Variants in AHI1 observed in about 807,000 individuals in gnomAD.
The protein encoded by AHI1 is Abelson helper integration site 1, also known as jouberin.
A neutral mutation model predicts 149.3 loss-of-function variants in AHI1; 123 were observed. That is an observed-to-expected ratio of 0.82 (90% CI 0.71 to 0.96). AHI1 has a LOEUF of 0.96. AHI1 is among the 40% of genes least tolerant of loss of function. The pLI, the probability that AHI1 is intolerant of heterozygous loss-of-function variation, is 0.00. For missense variants in AHI1, 1,439 were observed against 1,422.7 expected, an observed-to-expected ratio of 1.01 and a Z score of -0.18; for synonymous variants, 475 against 459.8, an observed-to-expected ratio of 1.03 and a Z score of -0.42.
chr6:135,459,816 C>T (rs1789588494), intron 8 of AHI1, among the ~76,000 whole-genome samples: 1 of 149,312 alleles, frequency 6.7e-6, no homozygotes, highest in South Asian at 2.1e-4. Context: ...AATGATAAGG[C>T]ATAAGGACTG....
At chr6:135,457,465 G>C (rs935009389) in intron 9 of AHI1, 29 bp downstream of exon 9, 1 of 1,536,424 alleles carries the variant, frequency 6.5e-7, no homozygotes, top group Admixed American at 1.8e-5. Flanking sequence ...TCAGTTTCAA[G>C]AATTAGTTGT....
At position 135,366,255 on chromosome 6, in the gene AHI1, G is replaced by A. The variant is rs1187834573; in HGVS notation, c.3110-8068C>T. Among the ~76,000 whole-genome samples, 6 of 146,040 alleles carry A rather than the reference G, an allele frequency of 4.1e-5. 1 individual carries two copies. The highest frequency in any genetic ancestry group is 3.4e-4 in the Admixed American group (5 of 14,848). On this transcript the variant is annotated intron_variant, in intron 23 of 28. Transcript: ENST00000265602. ...TGGTCTGCAGTTTTCTTTTTTTTTT[G>A]TTACGTCCTTTCCTGGCTTTGGTAT...
chr6:135,482,666 A>T (rs1400090793), intron 5 of AHI1, among the ~76,000 whole-genome samples: 1 of 151,434 alleles, frequency 6.6e-6, no homozygotes, highest in African/African-American at 2.4e-5. Context: ...CATCTTTTTT[A>T]TGTTTTCCTA....
intron 19 of AHI1, among the ~76,000 whole-genome samples, chr6:135,428,337 A>G (rs1784189244): frequency 6.6e-6 from 1 of 151,666 alleles, no homozygotes. Flanking sequence ...AGCCTCCATT[A>G]AACGCTTTTC....
chr6:135,443,837 C>A (rs1452813687), intron 13 of AHI1, among the ~76,000 whole-genome samples: 1 of 152,138 alleles, frequency 6.6e-6, no homozygotes, highest in Non-Finnish European at 1.5e-5. Flanking sequence ...CATCCTCCAA[C>A]CACATAATTA....
In AHI1 at chr6:135,442,461, TTTTC is replaced by T. The variant is rs1457195011; in HGVS notation, c.1912+117_1912+120del. The T allele has an allele frequency of 4.6e-6, 5 of 1,075,940 alleles. No individual in the cohort carries two copies. The African/African-American group carries it at 8.1e-5, about 17-fold the overall frequency. The allele number at this position is 1,075,940 out of a possible 1,614,324, so 66.6% of individuals were successfully genotyped here. A position where few individuals can be genotyped will look rare whatever the true frequency, so the allele number is the denominator to read the frequency against. On this transcript the variant is annotated intron_variant, in intron 14 of 28. Transcript: ENST00000265602. Reference sequence around the variant, plus strand: ...AACTTTCTTTGTTTGAAGAAATCCGTTTTCTTTAATTTAGTAGTACAGGGGATTA... The same window carrying T: ...AACTTTCTTTGTTTGAAGAAATCCGTTTTAATTTAGTAGTACAGGGGATTA...
chr6:135,356,630 C>T (rs1313958202), intron 24 of AHI1, among the ~76,000 whole-genome samples: 1 of 152,082 alleles, frequency 6.6e-6, no homozygotes, highest in Non-Finnish European at 1.5e-5. Flanking sequence ...TATTCAAATA[C>T]ATTAAAATAA....
chr6:135,293,421 A>AAAAAAAAAAAAG (rs1562444590), intron 27 of AHI1, among the ~76,000 whole-genome samples: 2 of 134,374 alleles, frequency 1.5e-5, no homozygotes, highest in African/African-American at 5.4e-5. Context: ...AAAAAAAAAA[A>AAAAAAAAAAAAG]AAAGAAAAAA....
Position 135,490,712 on chromosome 6 carries a change from A to G in AHI1, c.46T>C (p.Phe16Leu). ...CTGTGGGTCTTAAGCAATTCTTCAA[A>G]GCGAACTTTGGTTTTTACTTTTGCT... ...SEAKVKTKVR[F>L]EELLKTHSDL... Residue 16 changes from phenylalanine (F) to leucine (L), a missense_variant, in exon 5 of 29, where the codon TTT becomes CTT. Phe to Leu is a conservative substitution (Grantham distance 22). Coordinates refer to ENST00000265602, the MANE Select transcript of AHI1 (RefSeq NM_001134831.2). 2.5e-6 allele frequency: 4 copies of G among 1,613,044 alleles called. No homozygotes were observed. Among genetic ancestry groups the G allele is most frequent in the South Asian group, 1.1e-5 (1 of 90,830 alleles).
In AHI1 at chr6:135,456,290, C is replaced by T. The variant is rs147089952; in HGVS notation, c.1152-364G>A. On this transcript the variant is annotated intron_variant, in intron 9 of 28. Transcript: ENST00000265602. ...GCACAGCGGCTCAAGCCTGTAACCC[C>T]AGCACTTTGGGAGGCTGAGGCAGGT... Among the ~76,000 whole-genome samples the T allele has an allele frequency of 1.0e-2, 1,521 of 152,276 alleles. 22 individuals are homozygous for T. The highest frequency in any genetic ancestry group is 0.034 in the African/African-American group (1,421 of 41,544).
At chr6:135,481,330 TA>T (rs1189057925) in intron 5 of AHI1, among the ~76,000 whole-genome samples, 2 of 152,240 alleles carry the variant, frequency 1.3e-5, no homozygotes, top group Non-Finnish European at 2.9e-5. Context: ...CTTCTACAAA[TA>T]AAGGTTGAAT....
intron 26 of AHI1, among the ~76,000 whole-genome samples, chr6:135,317,199 A>G (rs907916464): frequency 3.3e-5 from 5 of 151,974 alleles, no homozygotes; most frequent in African/African-American, 1.2e-4. Context: ...CTGCACTAGA[A>G]TGACCTTTCT....
At chr6:135,386,401 C>T (rs2128474052) in intron 23 of AHI1, among the ~76,000 whole-genome samples, 1 of 152,074 alleles carries the variant, frequency 6.6e-6, no homozygotes, top group African/African-American at 2.4e-5. Context: ...AGCTCCGCCT[C>T]CCGGGTTCAC....
In AHI1 at chr6:135,349,407, A is replaced by C. The variant is rs139211643; in HGVS notation, c.3165+8725T>G. On this transcript the variant is annotated intron_variant, in intron 24 of 28. Transcript: ENST00000265602. ...CTCCCTCTTTCACGCTATATACTACACGTGTTCTCCAACCCATCTGCTGGC... is the reference window on the plus strand; with the variant it reads ...CTCCCTCTTTCACGCTATATACTACCCGTGTTCTCCAACCCATCTGCTGGC... Among the ~76,000 whole-genome samples the C allele has an allele frequency of 4.4e-3, 665 of 152,294 alleles. 8 individuals carry two copies. Among genetic ancestry groups the C allele is most frequent in the African/African-American group, 0.015 (625 of 41,564 alleles).
intron 5 of AHI1, among the ~76,000 whole-genome samples, chr6:135,467,853 T>C (rs962991291): frequency 6.6e-6 from 1 of 152,204 alleles, no homozygotes; most frequent in African/African-American, 2.4e-5. Context: ...AGATTAACAT[T>C]TTGGATTAAC....
chr6:135,487,480 T>A (rs1794648197), intron 5 of AHI1, among the ~76,000 whole-genome samples: 1 of 152,184 alleles, frequency 6.6e-6, no homozygotes, highest in African/African-American at 2.4e-5. Flanking sequence ...TTCTACATAT[T>A]TAACTGATTT....
At chr6:135,383,710 T>G in intron 23 of AHI1, among the ~76,000 whole-genome samples, 1 of 152,316 alleles carries the variant, frequency 6.6e-6, no homozygotes, top group Non-Finnish European at 1.5e-5. Context: ...AACAACATCA[T>G]TTTATATGCC....
At chr6:135,312,816 G>A (rs766147703) in intron 26 of AHI1, among the ~76,000 whole-genome samples, 3 of 152,166 alleles carry the variant, frequency 2.0e-5, no homozygotes, top group African/African-American at 7.2e-5. Context: ...CACCAAGGAT[G>A]TTCTCTAAGG....
At chr6:135,433,321 T>A in intron 15 of AHI1, 65 bp from the exon 16 acceptor site, 1 of 1,251,842 alleles carries the variant, frequency 8.0e-7, no homozygotes, top group Non-Finnish European at 1.1e-6. Context: ...ACAGTTTTTC[T>A]AAGAACCAAC....
Sources: allele counts gnomAD v4.1 joint callset (sites outside exome capture counted in the v4.1 genomes callset), GRCh38; gene constraint gnomAD v4.1.1; transcripts MANE v1.5; gene names NCBI Gene and HGNC (gene_info 2026-07-23, HGNC 2026-07-21).